PCED1B: variants seen among roughly 807,000 people sequenced by gnomAD.
PCED1B encodes PC-esterase domain-containing protein 1B.
For missense variants in PCED1B, 573 were observed against 573.9 expected (o/e 1.00, Z 0.02); for synonymous variants, 251 against 246.1 (o/e 1.02, Z -0.19).
intron 3 of PCED1B, among the ~76,000 whole-genome samples, chr12:47,230,103 T>TTTG: frequency 6.8e-6 from 1 of 146,422 alleles, no homozygotes; most frequent in Non-Finnish European, 1.5e-5. Context: ...TTTTTTTTTT[T>TTTG]GAGACGGAGT....
chr12:47,082,683 A>G (rs1937800920), intron 1 of PCED1B, among the ~76,000 whole-genome samples: 1 of 152,182 alleles, frequency 6.6e-6, no homozygotes, highest in African/African-American at 2.4e-5. Context: ...CTGTGACATT[A>G]TATAATCCTA....
intron 3 of PCED1B, among the ~76,000 whole-genome samples, chr12:47,220,828 G>A (rs972868862): frequency 5.3e-5 from 8 of 152,186 alleles, no homozygotes; most frequent in Non-Finnish European, 8.8e-5. Context: ...GTCTTTTAAC[G>A]TGAGTCTTAA....
At chr12:47,095,659 T>C (rs950610638) in intron 1 of PCED1B, among the ~76,000 whole-genome samples, 2 of 152,218 alleles carry the variant, frequency 1.3e-5, no homozygotes, top group African/African-American at 4.8e-5. Flanking sequence ...ATCCAGCCCA[T>C]TATTCACTAA....
At chr12:47,193,516 T>C (rs1022759705) in intron 2 of PCED1B, among the ~76,000 whole-genome samples, 1 of 152,164 alleles carries the variant, frequency 6.6e-6, no homozygotes, top group Non-Finnish European at 1.5e-5. Context: ...TGGATTACAA[T>C]AGTTAGGGTG....
chr12:47,080,970 C>A (rs370901917), intron 1 of PCED1B, among the ~76,000 whole-genome samples: 2 of 152,272 alleles, frequency 1.3e-5, no homozygotes, highest in South Asian at 4.1e-4. Flanking sequence ...GATGCCGCGG[C>A]CGACCAGCGC....
intron 2 of PCED1B, among the ~76,000 whole-genome samples, chr12:47,108,487 T>C (rs1939053534): frequency 1.3e-5 from 2 of 152,218 alleles, no homozygotes; most frequent in Non-Finnish European, 2.9e-5. Context: ...ATTGTGTTTT[T>C]CCCCACATCT....
chr12:47,172,159 C>A (rs1370643565), intron 2 of PCED1B, among the ~76,000 whole-genome samples: 1 of 152,086 alleles, frequency 6.6e-6, no homozygotes, highest in Admixed American at 6.5e-5. Flanking sequence ...GCATGTAGGT[C>A]TCCTGGATCT....
intron 3 of PCED1B, among the ~76,000 whole-genome samples, chr12:47,227,809 C>G (rs922702151): frequency 6.6e-6 from 1 of 151,770 alleles, no homozygotes; most frequent in Non-Finnish European, 1.5e-5. Flanking sequence ...GCTGAGATCT[C>G]GCCACTGCAC....
chr12:47,236,341 T>G lies in PCED1B; in HGVS notation c.1278T>G (p.Asn426Lys). 2 of 1,605,082 alleles carry G rather than the reference T, an allele frequency of 1.2e-6. No homozygotes were observed. Among genetic ancestry groups the G allele is most frequent in the Non-Finnish European group, 1.7e-6 (2 of 1,176,280 alleles). ...PRPSKRRAPA[N>K]PEPRPQ ...CTTCAAAGAGAAGGGCCCCAGCCAA[T>G]CCTGAGCCAAGGCCTCAATAGACGG... Residue 426 changes from asparagine (N) to lysine (K), a missense_variant, in exon 4 of 4, where the codon AAT (asparagine) becomes AAG (lysine). Transcript: ENST00000546455.
At position 47,158,768 on chromosome 12, in the gene PCED1B, T is replaced by G. The variant is rs74601602; in HGVS notation, c.-526+54573T>G. 2.0e-5 allele frequency among the ~76,000 whole-genome samples: 3 copies of G among 152,336 alleles called. No homozygotes were observed. The East Asian group carries it at 5.8e-4, about 29-fold the overall frequency. On this transcript the variant is annotated intron_variant, in intron 2 of 3. Coordinates refer to ENST00000546455, the MANE Select transcript of PCED1B (RefSeq NM_138371.3). ...ACCTCAAGTATTTATCACTTCTATG[T>G]GTTGGGAACATTTCAAGTCTTCTAG...
At chr12:47,154,802 TGTGTGTG>T (rs1941138009) in intron 2 of PCED1B, among the ~76,000 whole-genome samples, 1 of 151,688 alleles carries the variant, frequency 6.6e-6, no homozygotes, top group African/African-American at 2.4e-5. Context: ...TGTGTGTGTG[TGTGTGTG>T]TGCATCTTCC....
chr12:47,154,779 A>ATGTGTGTG (rs3989869), intron 2 of PCED1B, among the ~76,000 whole-genome samples: 14 of 146,596 alleles, frequency 9.6e-5, no homozygotes, highest in Admixed American at 4.8e-4. Flanking sequence ...GTGTGTGTGC[A>ATGTGTGTG]TGTGTGTGTG....
Position 47,236,485 on chromosome 12 carries a change from TC to T in PCED1B, c.*125del, listed in dbSNP as rs1943992411. On this transcript the variant is annotated 3_prime_UTR_variant, in exon 4 of 4. Coordinates refer to ENST00000546455, the MANE Select transcript of PCED1B (RefSeq NM_138371.3). ...TAAGCCTGGAGTCCATGCCTCGTCT[TC>T]CTTTTGTTCATTGCTGTTACCAAGA... 1 of 1,013,864 alleles carries T rather than the reference TC, an allele frequency of 9.9e-7. No homozygotes were observed. Among genetic ancestry groups the T allele is most frequent in the African/African-American group, 1.6e-5 (1 of 61,008 alleles). 62.8% of individuals were successfully genotyped at this position (1,013,864 alleles called of 1,614,324 possible).
chr12:47,121,796 GC>G (rs1225132293), intron 2 of PCED1B, among the ~76,000 whole-genome samples: 1 of 152,010 alleles, frequency 6.6e-6, no homozygotes, highest in Non-Finnish European at 1.5e-5. Flanking sequence ...ACTTTGGAAG[GC>G]AAGGTGGGCA....
At chr12:47,153,918 A>C (rs1164847576) in intron 2 of PCED1B, among the ~76,000 whole-genome samples, 3 of 152,318 alleles carry the variant, frequency 2.0e-5, no homozygotes, top group African/African-American at 7.2e-5. Context: ...CTTTCTAGAT[A>C]GTCTACAATC....
At chr12:47,233,002 A>C (rs1049462324) in intron 3 of PCED1B, among the ~76,000 whole-genome samples, 7 of 151,894 alleles carry the variant, frequency 4.6e-5, no homozygotes, top group African/African-American at 1.7e-4. Context: ...AGTAGCTGGA[A>C]CACTGCTTAC....
intron 2 of PCED1B, among the ~76,000 whole-genome samples, chr12:47,140,752 C>A (rs1940561508): frequency 6.6e-6 from 1 of 152,082 alleles, no homozygotes; most frequent in African/African-American, 2.4e-5. Context: ...GAAAATATAT[C>A]CAAAATACAA....
At chr12:47,089,906 T>C (rs1277701904) in intron 1 of PCED1B, among the ~76,000 whole-genome samples, 1 of 152,088 alleles carries the variant, frequency 6.6e-6, no homozygotes, top group East Asian at 1.9e-4. Flanking sequence ...CCCGAGTAGC[T>C]GGGATTACAG....
intron 3 of PCED1B, among the ~76,000 whole-genome samples, chr12:47,229,928 C>A (rs1008349555): frequency 2.0e-5 from 3 of 151,584 alleles, no homozygotes; most frequent in African/African-American, 7.3e-5. Flanking sequence ...CGCCACCACA[C>A]CCGGCTAATA....
Sources: gnomAD v4.1 joint callset for allele counts (sites outside exome capture counted in the v4.1 genomes callset) on GRCh38, gnomAD v4.1.1 for gene constraint, MANE v1.5 for transcripts, NCBI Gene and HGNC (gene_info 2026-07-23, HGNC 2026-07-21) for gene names.